GFI1B: variants seen among roughly 807,000 people sequenced by gnomAD.
GFI1B encodes zinc finger protein Gfi-1b.
Under a neutral mutation model 35.3 loss-of-function variants are expected in GFI1B, and 20 were observed. The ratio of observed to expected loss-of-function variants is 0.57; its 90% CI spans 0.40 to 0.82. The LOEUF (loss-of-function observed/expected upper bound fraction) is 0.82, where lower values mean the gene tolerates loss of function less well. Ranked by LOEUF, GFI1B falls within the 40% of genes least tolerant of loss-of-function variation. The pLI, the probability that GFI1B is intolerant of heterozygous loss-of-function variation, is 0.00. For synonymous variants in GFI1B, 178 were observed against 177.6 expected, an observed-to-expected ratio of 1.00 and a Z score of -0.02; for missense variants, 430 against 446.3, an observed-to-expected ratio of 0.96 and a Z score of 0.33.
At chr9:132,946,290 A>G (rs1848096373) in intron 1 of GFI1B, among the ~76,000 whole-genome samples, 1 of 152,146 alleles carries the variant, frequency 6.6e-6, no homozygotes. Flanking sequence ...TAACTGGATG[A>G]GCCTTAGTCT....
intron 2 of GFI1B, among the ~76,000 whole-genome samples, chr9:132,973,557 C>T (rs1564528556): frequency 6.6e-6 from 1 of 152,148 alleles, no homozygotes; most frequent in Non-Finnish European, 1.5e-5. Flanking sequence ...AGGGTCGTCA[C>T]GGGTGGGCCA....
intron 1 of GFI1B, chr9:132,945,681 A>C (rs1218536343): frequency 6.5e-6 from 1 of 154,064 alleles, no homozygotes; most frequent in Non-Finnish European, 1.5e-5. Flanking sequence ...TTGGGTTTTA[A>C]AGGAAATGTA....
intron 1 of GFI1B, among the ~76,000 whole-genome samples, chr9:132,950,702 T>A (rs1241538630): frequency 3.7e-5 from 3 of 80,914 alleles, no homozygotes; most frequent in African/African-American, 6.5e-5. Context: ...TACACTATAC[T>A]ATACACTACA....
intron 1 of GFI1B, among the ~76,000 whole-genome samples, chr9:132,968,760 A>G (rs781545640): frequency 1.3e-5 from 2 of 152,216 alleles, no homozygotes; most frequent in Non-Finnish European, 2.9e-5. Context: ...TGAAGGCCTC[A>G]GAGGCATGGA....
chr9:132,952,875 A>T (rs918564228), intron 1 of GFI1B: 6 of 152,316 alleles, frequency 3.9e-5, no homozygotes, highest in African/African-American at 1.2e-4. Context: ...AAATATCCTT[A>T]TTTTAGCCTA....
chr9:132,988,840 C>T (rs933611102), intron 4 of GFI1B, among the ~76,000 whole-genome samples: 1 of 152,160 alleles, frequency 6.6e-6, no homozygotes, highest in Admixed American at 6.5e-5. Context: ...TCCAGATCCC[C>T]TCTCTCACAT....
Position 132,988,293 on chromosome 9 carries a change from C to T in GFI1B, c.335C>T (p.Ala112Val). Residue 112 changes from alanine (A) to valine (V), a missense_variant, in exon 4 of 7, where the codon GCC becomes GTC. Physicochemically the swap from Ala to Val is moderately conservative, Grantham distance 64 (BLOSUM62 0). Coordinates refer to ENST00000372122, the MANE Select transcript of GFI1B (RefSeq NM_001377304.1). The stretch of plus-strand genomic sequence containing the variant: ...CCTAGCTTCTCCTGGGACACCTTGG[C>T]CACAACCTATGGCCACAGCTACCGG... ...YKPSFSWDTL[A>V]TTYGHSYRQA... 6.2e-7 allele frequency: 1 copy of T among 1,614,172 alleles called. No homozygotes were observed. Among genetic ancestry groups the T allele is most frequent in the East Asian group, 2.2e-5 (1 of 44,882 alleles).
intron 1 of GFI1B, chr9:132,952,060 T>C (rs1400002261): frequency 1.3e-5 from 2 of 151,874 alleles, no homozygotes; most frequent in Non-Finnish European, 2.9e-5. Context: ...TGAGCCACCA[T>C]GCCTGACCTG....
intron 1 of GFI1B, among the ~76,000 whole-genome samples, chr9:132,984,603 G>A (rs1029678329): frequency 1.3e-5 from 2 of 152,176 alleles, no homozygotes; most frequent in Non-Finnish European, 2.9e-5. Flanking sequence ...GCTGGGATGC[G>A]GGGGAGCACA....
intron 2 of GFI1B, 70 bp downstream of exon 2, chr9:132,986,848 A>C: frequency 1.1e-6 from 1 of 911,844 alleles, no homozygotes; most frequent in Non-Finnish European, 1.8e-6. Flanking sequence ...ATGAGGGTGC[A>C]GCAGCGTCCC....
At chr9:132,955,544 G>T (rs1185752079) in intron 1 of GFI1B, among the ~76,000 whole-genome samples, 1 of 152,072 alleles carries the variant, frequency 6.6e-6, no homozygotes, top group African/African-American at 2.4e-5. Flanking sequence ...CTCCCGCCTT[G>T]GTCTCCCAAA....
intron 3 of GFI1B, among the ~76,000 whole-genome samples, 192 bp from the exon 4 acceptor site, chr9:132,988,005 T>C (rs1255750665): frequency 6.6e-6 from 1 of 152,108 alleles, no homozygotes; most frequent in East Asian, 1.9e-4. Context: ...CCACCACGCC[T>C]GGCTAATTTT....
chr9:132,989,760 C>T lies in GFI1B; in HGVS notation c.667C>T (p.Arg223Cys), dbSNP rs1462798363. The T allele has an allele frequency of 5.6e-6, 9 of 1,614,100 alleles. No homozygotes were observed. The highest frequency in any genetic ancestry group is 6.8e-6 in the Non-Finnish European group (8 of 1,179,932). Residue 223 changes from arginine (R) to cysteine (C), a missense_variant, in exon 6 of 7, where the codon CGC (arginine) becomes TGC (cysteine). Transcript: ENST00000372122. The surrounding 1 kb of genome is among the most constrained non-coding windows in gnomAD (Gnocchi z 6.2). ...CCGGCAGGAGCGCAGCTTCGAGTGC[C>T]GCATGTGCGGCAAGGCCTTCAAGCG... ...VHSQERSFEC[R>C]MCGKAFKRSS...
chr9:132,971,373 G>A (rs923191623), intron 1 of GFI1B, among the ~76,000 whole-genome samples: 9 of 152,068 alleles, frequency 5.9e-5, no homozygotes, highest in Admixed American at 4.6e-4. Context: ...AGGCACACCA[G>A]CCATCTCGAG....
At chr9:132,951,868 AG>A (rs1471561854) in intron 1 of GFI1B, 1 of 152,224 alleles carries the variant, frequency 6.6e-6, no homozygotes, top group Admixed American at 6.5e-5. Context: ...CCTAGGTTCA[AG>A]CCATCCTCCC....
Position 132,989,127 on chromosome 9 carries a change from G to A in GFI1B, c.577G>A (p.Ala193Thr), listed in dbSNP as rs766382842. ...CTCCCATAGTGGGACCCGGCCCTTC[G>A]CCTGTGACATCTGCGGCAAAACCTT... is the stretch of plus-strand genomic sequence containing the variant. ...RRSHSGTRPF[A>T]CDICGKTFGH... is the part of the protein sequence containing the mutation. The change falls in exon 5 of 7, where the codon GCC (alanine) becomes ACC (threonine). Residue 193 changes from alanine (A) to threonine (T), a missense_variant. Transcript: ENST00000372122. This position sits in a 1 kb window ranked among gnomAD's most constrained non-coding sequence, Gnocchi z 6.2. The A allele has an allele frequency of 4.0e-5, 65 of 1,613,782 alleles. No homozygotes were observed. The Admixed American group carries it at 8.2e-4, about 20-fold the overall frequency.
chr9:132,968,138 A>G (rs11243957), intron 1 of GFI1B, among the ~76,000 whole-genome samples: 12,015 of 145,530 alleles, frequency 0.083, 543 homozygotes, highest in Admixed American at 0.11. Context: ...TTGATTTGAG[A>G]CAGTGTCTTG....
Position 132,989,216 on chromosome 9 carries a change from C to A in GFI1B, c.648+18C>A, listed in dbSNP as rs75585698. On this transcript the variant is annotated intron_variant, in intron 5 of 6. Transcript: ENST00000372122. The surrounding 1 kb of genome is among the most constrained non-coding windows in gnomAD (Gnocchi z 6.2). Reference sequence around the variant, plus strand: ...ACTCCCAGGTGGGCACCTGGCCCAGCGCAGGACTCCCAGCCCCACTCCTTC... The same window carrying A: ...ACTCCCAGGTGGGCACCTGGCCCAGAGCAGGACTCCCAGCCCCACTCCTTC... 2 of 1,606,080 alleles carry A rather than the reference C, an allele frequency of 1.2e-6. No homozygotes were observed. The highest frequency in any genetic ancestry group is 1.7e-5 in the Admixed American group (1 of 60,004).
intron 1 of GFI1B, among the ~76,000 whole-genome samples, chr9:132,957,534 C>A (rs545255084): frequency 2.9e-4 from 44 of 152,292 alleles, no homozygotes; most frequent in African/African-American, 4.1e-4. Flanking sequence ...CAGTAGTGAA[C>A]AAGAGAGAGT....
Sources: gnomAD v4.1 joint callset for allele counts (sites outside exome capture counted in the v4.1 genomes callset) on GRCh38, gnomAD v4.1.1 for gene constraint, Gnocchi (gnomAD v3.1) non-coding constraint, MANE v1.5 for transcripts, NCBI Gene and HGNC (gene_info 2026-07-23, HGNC 2026-07-21) for gene names.